The following ASH1L variants were observed in gnomAD, a reference collection of about 807,000 sequenced individuals.
ASH1L encodes ASH1 like histone lysine methyltransferase.
ASH1L carries 23 observed loss-of-function variants against 269.0 expected under a neutral mutation model. The ratio of observed to expected loss-of-function variants is 0.09; its 90% CI spans 0.06 to 0.12. The LOEUF (loss-of-function observed/expected upper bound fraction) is 0.12. Among genes scored for constraint, ASH1L ranks in the 10% least tolerant of loss-of-function variants. The probability of loss-of-function intolerance (pLI) is 1.00; values close to 1 mark genes in which losing one functional copy is unlikely to be tolerated. For missense variants in ASH1L, 2,912 were observed against 3,567.8 expected, an observed-to-expected ratio of 0.82 and a Z score of 4.68; for synonymous variants, 1,187 against 1,253.5, an observed-to-expected ratio of 0.95 and a Z score of 1.12.
chr1:155,459,992 G>T, intron 3 of ASH1L, 94 bp from the exon 4 acceptor site: 1 of 898,814 alleles, frequency 1.1e-6, no homozygotes, highest in Non-Finnish European at 1.7e-6. Context: ...CAGTTTAGTT[G>T]CTGCCACTGT....
At position 155,481,027 on chromosome 1, in the gene ASH1L, G is replaced by C. The variant is rs1353579493; in HGVS notation, c.1843C>G (p.His615Asp). 7 of 1,613,936 alleles carry C rather than the reference G, an allele frequency of 4.3e-6. No individual in the cohort carries two copies. Among genetic ancestry groups the C allele is most frequent in the Non-Finnish European group, 5.9e-6 (7 of 1,179,960 alleles). Residue 615 changes from histidine (H) to aspartate (D), a missense_variant, in exon 3 of 28, where the codon CAT becomes GAT. His to Asp is a moderately conservative substitution (Grantham distance 81). Coordinates refer to ENST00000392403, the MANE Select transcript of ASH1L (RefSeq NM_018489.3). ...CTTATACTATGACCAACTGACCTAT[G>C]ACCAACGTTCAAGTGGGTACTTTCA... is the stretch of plus-strand genomic sequence containing the variant. ...TSESTHLNVG[H>D]RSVGHSISIE...
Position 155,443,595 on chromosome 1 carries a change from T to C in ASH1L, c.5087-4527A>G, listed in dbSNP as rs79999785. On this transcript the variant is annotated intron_variant, in intron 4 of 27. Coordinates refer to ENST00000392403, the MANE Select transcript of ASH1L (RefSeq NM_018489.3). ...TGTGTGTCCTTTCCAAGAAAATAAA[T>C]TGCCTGTCATCCACAGCCTCAGAGA... is the stretch of plus-strand genomic sequence containing the variant. Among the ~76,000 whole-genome samples the C allele has an allele frequency of 1.4e-3, 219 of 152,328 alleles. 3 individuals are homozygous for C. The highest frequency in any genetic ancestry group is 2.2e-3 in the Non-Finnish European group (150 of 68,030).
At chr1:155,507,667 T>C (rs1310744628) in intron 2 of ASH1L, among the ~76,000 whole-genome samples, 1 of 151,928 alleles carries the variant, frequency 6.6e-6, no homozygotes, top group East Asian at 1.9e-4. Flanking sequence ...AGCACAGGAG[T>C]TCGAGAACAG....
chr1:155,480,704 C>A lies in ASH1L; in HGVS notation c.2166G>T (p.Val722=). 6.2e-7 allele frequency: 1 copy of A among 1,613,554 alleles called. No individual in the cohort carries two copies. The highest frequency in any genetic ancestry group is 8.5e-7 in the Non-Finnish European group (1 of 1,179,926). The change falls in exon 3 of 28, where the codon GTG becomes GTT. Residue 722 remains valine (V), a synonymous_variant. Transcript: ENST00000392403. ...GAGACCGGCATGTGCTTCTTGCCAC[C>A]ACTTTAGTCCACCGAGGTTTTCTTC... is the stretch of plus-strand genomic sequence containing the variant. The part of the protein sequence containing the change: ...RKGRKPRWTK[V]VARSTCRSPK...
chr1:155,378,420 A>G, intron 9 of ASH1L, 31 bp from the exon 10 acceptor site: 1 of 1,610,504 alleles, frequency 6.2e-7, no homozygotes, highest in Non-Finnish European at 8.5e-7. Context: ...TAGTTTGTGA[A>G]CATACAGGAT....
At chr1:155,531,747 T>C (rs182263621) in intron 1 of ASH1L, among the ~76,000 whole-genome samples, 2 of 152,216 alleles carry the variant, frequency 1.3e-5, no homozygotes, top group Admixed American at 1.3e-4. Context: ...GAGAATCCAT[T>C]TAGGTAGTAA....
intron 2 of ASH1L, among the ~76,000 whole-genome samples, chr1:155,487,380 C>T (rs988256089): frequency 1.3e-5 from 2 of 151,962 alleles, no homozygotes; most frequent in African/African-American, 2.4e-5. Context: ...TGTCATACTA[C>T]TTTTTTATTT....
At chr1:155,406,017 A>C (rs184522875) in intron 6 of ASH1L, among the ~76,000 whole-genome samples, 1 of 152,008 alleles carries the variant, frequency 6.6e-6, no homozygotes, top group East Asian at 1.9e-4. Context: ...CAGCCTGGCC[A>C]ACATGGCAAA....
chr1:155,409,986 G>GA (rs1239905039), intron 6 of ASH1L, among the ~76,000 whole-genome samples: 5 of 151,542 alleles, frequency 3.3e-5, no homozygotes, highest in African/African-American at 1.2e-4. Context: ...GCCAATATGT[G>GA]AAACCCCGTC....
chr1:155,399,475 T>C (rs1250216155), intron 6 of ASH1L, among the ~76,000 whole-genome samples: 1 of 152,094 alleles, frequency 6.6e-6, no homozygotes, highest in Non-Finnish European at 1.5e-5. Context: ...AAACCTTATC[T>C]CTACTAAAAA....
intron 2 of ASH1L, among the ~76,000 whole-genome samples, chr1:155,498,245 T>A (rs994539686): frequency 2.0e-5 from 3 of 150,156 alleles, no homozygotes; most frequent in Admixed American, 6.6e-5. Flanking sequence ...AACAGGGGAG[T>A]CACTGTTCAA....
Position 155,360,600 on chromosome 1 carries a change from C to T in ASH1L, c.6687-191G>A, listed in dbSNP as rs182154655. 2.2e-3 allele frequency among the ~76,000 whole-genome samples: 333 copies of T among 152,152 alleles called. 1 individual carries two copies. The highest frequency in any genetic ancestry group is 7.3e-3 in the African/African-American group (303 of 41,522). On this transcript the variant is annotated intron_variant, in intron 12 of 27. Coordinates refer to ENST00000392403, the MANE Select transcript of ASH1L (RefSeq NM_018489.3). ...CTGGGACTACAGGTGTAAGCCACCA[C>T]GCCTGGCTAATTTTTGTATTTTTAG...
At chr1:155,526,335 T>C (rs1406023390) in intron 1 of ASH1L, among the ~76,000 whole-genome samples, 4 of 152,226 alleles carry the variant, frequency 2.6e-5, no homozygotes, top group Non-Finnish European at 5.9e-5. Flanking sequence ...GAGAAAACTA[T>C]ACACAAGTTT....
intron 2 of ASH1L, among the ~76,000 whole-genome samples, chr1:155,484,949 A>C (rs1408320667): frequency 7.1e-6 from 1 of 140,720 alleles, no homozygotes; most frequent in East Asian, 2.1e-4. Flanking sequence ...AAAAACAAAA[A>C]CAAAAACAAA....
At chr1:155,537,391 G>A (rs1395593465) in intron 1 of ASH1L, among the ~76,000 whole-genome samples, 5 of 152,080 alleles carry the variant, frequency 3.3e-5, no homozygotes, top group Admixed American at 2.0e-4. Context: ...ATGCCAAAGT[G>A]GTTTCACTTA....
intron 2 of ASH1L, among the ~76,000 whole-genome samples, chr1:155,514,893 A>C (rs1668395526): frequency 1.3e-5 from 2 of 152,134 alleles, no homozygotes; most frequent in South Asian, 4.1e-4. Context: ...GGCATTTTAC[A>C]CACCAACAAG....
chr1:155,470,851 C>G (rs745709040), intron 3 of ASH1L, among the ~76,000 whole-genome samples: 1 of 152,054 alleles, frequency 6.6e-6, no homozygotes, highest in Non-Finnish European at 1.5e-5. Context: ...TCCTGGCACA[C>G]AATAGGCACA....
rs377320289 is a variant in ASH1L, at chr1:155,479,109, C to A, written c.3761G>T (p.Arg1254Leu). 89 of 1,613,828 alleles carry A rather than the reference C, an allele frequency of 5.5e-5. No homozygotes were observed. Among genetic ancestry groups the A allele is most frequent in the Admixed American group, 1.0e-4 (6 of 59,972 alleles). ...ATAGCTGAGGTAATCATGATTCCTG[C>A]GCTTACATTTGTGTTTATGTTTTTC... Reference protein sequence around the residue: ...LKEKHKHKCKRRNHDYLSYDK... With the variant: ...LKEKHKHKCKLRNHDYLSYDK... The change falls in exon 3 of 28, where the codon CGC (arginine) becomes CTC (leucine). Residue 1254 changes from arginine to leucine, a missense_variant. Arg to Leu is a moderately radical substitution (Grantham distance 102, BLOSUM62 -2). Coordinates refer to ENST00000392403, the MANE Select transcript of ASH1L (RefSeq NM_018489.3).
At chr1:155,502,574 T>G (rs929677883) in intron 2 of ASH1L, among the ~76,000 whole-genome samples, 1 of 152,150 alleles carries the variant, frequency 6.6e-6, no homozygotes, top group Non-Finnish European at 1.5e-5. Flanking sequence ...ACCCTGACAC[T>G]GAAGGAGCCA....
Sources: gnomAD v4.1 joint callset for allele counts (sites outside exome capture counted in the v4.1 genomes callset) on GRCh38, gnomAD v4.1.1 for gene constraint, MANE v1.5 for transcripts, NCBI Gene and HGNC (gene_info 2026-07-23, HGNC 2026-07-21) for gene names.